Variants in BAZ2B observed in about 807,000 individuals in gnomAD.
BAZ2B encodes the protein bromodomain adjacent to zinc finger domain protein 2B.
In BAZ2B, 91 loss-of-function variants were observed where a neutral mutation model predicts 246.0. That is an observed-to-expected ratio of 0.37 (90% CI 0.31 to 0.44). The LOEUF (loss-of-function observed/expected upper bound fraction) is 0.44, where lower values mean the gene tolerates loss of function less well. Ranked by LOEUF, BAZ2B falls within the 20% of genes least tolerant of loss-of-function variation. BAZ2B has a pLI of 1.00. For missense variants in BAZ2B, 2,332 were observed against 2,533.7 expected (o/e 0.92, Z 1.71); for synonymous variants, 855 against 860.0 (o/e 0.99, Z 0.10).
chr2:159,569,882 T>G (rs944539357), intron 1 of BAZ2B, among the ~76,000 whole-genome samples: 1 of 152,106 alleles, frequency 6.6e-6, no homozygotes, highest in African/African-American at 2.4e-5. Flanking sequence ...AATTCACCTG[T>G]GAGATCATTT....
At chr2:159,380,371 A>G (rs1288802617) in intron 25 of BAZ2B, among the ~76,000 whole-genome samples, 1 of 152,218 alleles carries the variant, frequency 6.6e-6, no homozygotes, top group Non-Finnish European at 1.5e-5. Flanking sequence ...AACTGTGTTG[A>G]CACTGGTTAC....
chr2:159,698,252 T>C, the BAZ2B span, among the ~76,000 whole-genome samples: 1 of 152,104 alleles, frequency 6.6e-6, no homozygotes, highest in African/African-American at 2.4e-5. Flanking sequence ...CCAGGCATAG[T>C]GGCTCATGCC....
At chr2:159,367,072 C>G (rs571675284) in intron 27 of BAZ2B, among the ~76,000 whole-genome samples, 1 of 152,102 alleles carries the variant, frequency 6.6e-6, no homozygotes, top group Non-Finnish European at 1.5e-5. Flanking sequence ...TTCTCAAAGT[C>G]CTTGGTTTGT....
At chr2:159,626,310 T>A in the BAZ2B span, among the ~76,000 whole-genome samples, 1 of 152,206 alleles carries the variant, frequency 6.6e-6, no homozygotes, top group East Asian at 1.9e-4. Context: ...TCAACTCAGC[T>A]CTGGACCAAG....
chr2:159,620,535 C>G (rs149954842), upstream of BAZ2B, among the ~76,000 whole-genome samples: 15 of 152,156 alleles, frequency 9.9e-5, no homozygotes, highest in Non-Finnish European at 1.6e-4. Context: ...CTAATTCTCA[C>G]TGAGAGACTA....
At chr2:159,378,788 A>C (rs973864998) in intron 25 of BAZ2B, among the ~76,000 whole-genome samples, 4 of 152,200 alleles carry the variant, frequency 2.6e-5, no homozygotes, top group Non-Finnish European at 5.9e-5. Flanking sequence ...TCAAAAAGAA[A>C]GAGAAAGAAA....
chr2:159,696,932 G>A, the BAZ2B span, among the ~76,000 whole-genome samples: 10,077 of 152,212 alleles, frequency 0.066, 434 homozygotes, highest in Middle Eastern at 0.19. Context: ...GACTACAGGT[G>A]CGTGCCACCA....
At chr2:159,487,936 C>A (rs1362475943) in intron 2 of BAZ2B, among the ~76,000 whole-genome samples, 1 of 151,948 alleles carries the variant, frequency 6.6e-6, no homozygotes, top group Non-Finnish European at 1.5e-5. Flanking sequence ...GAAAAACTTC[C>A]CTGGCCTCGC....
intron 31 of BAZ2B, among the ~76,000 whole-genome samples, chr2:159,346,591 G>A (rs2067863867): frequency 6.6e-6 from 1 of 152,096 alleles, no homozygotes; most frequent in Non-Finnish European, 1.5e-5. Context: ...TTGGAAGCCT[G>A]AGGCAGGAGA....
intron 2 of BAZ2B, among the ~76,000 whole-genome samples, chr2:159,509,305 T>C (rs2082659685): frequency 6.6e-6 from 1 of 152,162 alleles, no homozygotes; most frequent in Admixed American, 6.5e-5. Context: ...TTCTAATTAC[T>C]TGTGGAAACA....
At chr2:159,602,522 AG>A (rs1445722226) in intron 1 of BAZ2B, among the ~76,000 whole-genome samples, 2 of 152,224 alleles carry the variant, frequency 1.3e-5, no homozygotes, top group Non-Finnish European at 2.9e-5. Context: ...TTTATGCTGT[AG>A]GAAGTTATTT....
chr2:159,347,984 C>G (rs530287103), intron 30 of BAZ2B, among the ~76,000 whole-genome samples: 1 of 151,988 alleles, frequency 6.6e-6, no homozygotes, highest in Non-Finnish European at 1.5e-5. Flanking sequence ...CCCCTCTGCC[C>G]CCATGAATAC....
At chr2:159,496,598 C>T (rs189570267) in intron 2 of BAZ2B, among the ~76,000 whole-genome samples, 29 of 150,258 alleles carry the variant, frequency 1.9e-4, no homozygotes, top group African/African-American at 6.8e-4. Flanking sequence ...GCCTGACCAA[C>T]ATGGAGAAAC....
At chr2:159,695,475 T>C in the BAZ2B span, 1 of 152,124 alleles carries the variant, frequency 6.6e-6, no homozygotes, top group Admixed American at 6.5e-5. Flanking sequence ...CATGTAATAT[T>C]CACATTACAA....
At chr2:159,480,919 T>C (rs949877857) in intron 2 of BAZ2B, among the ~76,000 whole-genome samples, 3 of 152,104 alleles carry the variant, frequency 2.0e-5, no homozygotes, top group Admixed American at 6.5e-5. Flanking sequence ...GCCTAAGATT[T>C]ATTAGCTGGC....
At chr2:159,530,491 C>T (rs2085262595) in intron 2 of BAZ2B, among the ~76,000 whole-genome samples, 1 of 151,980 alleles carries the variant, frequency 6.6e-6, no homozygotes, top group Non-Finnish European at 1.5e-5. Flanking sequence ...ATATAAAATG[C>T]AATATTTCTA....
At chr2:159,470,503 T>C (rs545965101) in intron 3 of BAZ2B, among the ~76,000 whole-genome samples, 1 of 152,366 alleles carries the variant, frequency 6.6e-6, no homozygotes, top group South Asian at 2.1e-4. Context: ...AGGGTTTGCA[T>C]GTGCAGCTTC....
intron 25 of BAZ2B, 48 bp downstream of exon 25, chr2:159,382,511 T>C (rs1336165027): frequency 1.3e-6 from 2 of 1,495,832 alleles, no homozygotes; most frequent in African/African-American, 1.4e-5. Context: ...TTTTTAAAAA[T>C]ATGTTATGCA....
chr2:159,513,003 G>A (rs1395844034), intron 2 of BAZ2B, among the ~76,000 whole-genome samples: 2 of 152,080 alleles, frequency 1.3e-5, no homozygotes, highest in Admixed American at 6.5e-5. Flanking sequence ...CATGATCAAT[G>A]GAATCTAAAG....
Sources: allele counts gnomAD v4.1 joint callset (sites outside exome capture counted in the v4.1 genomes callset), GRCh38; gene constraint gnomAD v4.1.1; transcripts MANE v1.5; gene names NCBI Gene and HGNC (gene_info 2026-07-23, HGNC 2026-07-21).